The following DRC1 variants were observed in gnomAD, a reference collection of about 807,000 sequenced individuals.
DRC1 encodes dynein regulatory complex subunit 1.
In DRC1, 74 loss-of-function variants were observed where a neutral mutation model predicts 98.7. That is an observed-to-expected ratio of 0.75 (90% confidence interval 0.62 to 0.91). The LOEUF (loss-of-function observed/expected upper bound fraction) is 0.91, where lower values mean the gene tolerates loss of function less well. DRC1 is among the 40% of genes least tolerant of loss of function. DRC1 has a pLI of 0.00. For missense variants in DRC1, 875 were observed against 886.0 expected (o/e 0.99, Z 0.16); for synonymous variants, 336 against 334.1 (o/e 1.01, Z -0.06).
chr2:26,429,185 GATTATT>G (rs10555604), intron 4 of DRC1, among the ~76,000 whole-genome samples: 2,009 of 30,794 alleles, frequency 0.065, 116 homozygotes, highest in East Asian at 0.28. Context: ...TTGTACAGAT[GATTATT>G]ATTATTATTA....
intron 7 of DRC1, among the ~76,000 whole-genome samples, chr2:26,439,111 A>G (rs1663647639): frequency 6.6e-6 from 1 of 152,108 alleles, no homozygotes; most frequent in Admixed American, 6.5e-5. Flanking sequence ...ATTTCTGACC[A>G]TTCCTTTCCT....
chr2:26,437,397 T>A (rs1663600638), intron 7 of DRC1, among the ~76,000 whole-genome samples: 1 of 152,228 alleles, frequency 6.6e-6, no homozygotes, highest in African/African-American at 2.4e-5. Flanking sequence ...GTAGTTGTAG[T>A]TGAAGCTTCT....
chr2:26,410,628 G>T (rs937200215), intron 1 of DRC1, among the ~76,000 whole-genome samples: 2 of 152,070 alleles, frequency 1.3e-5, no homozygotes, highest in African/African-American at 4.8e-5. Flanking sequence ...GATCCAGAAA[G>T]AATGGAGCAG....
At chr2:26,453,834 G>C (rs1664072531) in intron 14 of DRC1, among the ~76,000 whole-genome samples, 1 of 152,246 alleles carries the variant, frequency 6.6e-6, no homozygotes, top group African/African-American at 2.4e-5. Flanking sequence ...TGTGATCAGA[G>C]TAATGGTCAA....
At chr2:26,418,039 T>A (rs1678869835) in intron 2 of DRC1, among the ~76,000 whole-genome samples, 1 of 152,020 alleles carries the variant, frequency 6.6e-6, no homozygotes, top group Non-Finnish European at 1.5e-5. Flanking sequence ...CTCCAGCTCA[T>A]TAAAAAATTG....
At position 26,456,601 on chromosome 2, in the gene DRC1, G is replaced by T; in HGVS notation, c.*84G>T. On this transcript the variant is annotated 3_prime_UTR_variant, in exon 17 of 17. Coordinates refer to ENST00000288710, the MANE Select transcript of DRC1 (RefSeq NM_145038.5). ...GCCAGCTCATATCACCCACTGGGCC[G>T]CACCTGGGCCTGCTCTCTGGATTTT... 4 of 1,530,564 alleles carry T rather than the reference G, an allele frequency of 2.6e-6. No homozygotes were observed. In the South Asian group the frequency reaches 4.5e-5, roughly 17 times the overall value. The allele number at this position is 1,530,564 out of a possible 1,614,324, so 94.8% of individuals were successfully genotyped here.
At chr2:26,449,923 G>T in intron 11 of DRC1, 73 bp from the exon 12 acceptor site, 1 of 1,362,200 alleles carries the variant, frequency 7.3e-7, no homozygotes, top group Non-Finnish European at 1.0e-6. Flanking sequence ...GTTACACAGG[G>T]GGCAGCTGCA....
chr2:26,424,749 T>G (rs1663240334), intron 4 of DRC1, among the ~76,000 whole-genome samples: 1 of 152,114 alleles, frequency 6.6e-6, no homozygotes, highest in Non-Finnish European at 1.5e-5. Context: ...GTCAGGAGTT[T>G]GAGACCAGCC....
chr2:26,452,093 CAAA>C (rs35773772), intron 13 of DRC1, among the ~76,000 whole-genome samples: 4 of 142,044 alleles, frequency 2.8e-5, no homozygotes, highest in African/African-American at 2.7e-5. Flanking sequence ...TATGTTGGCG[CAAA>C]AAAAAAAAAA....
At chr2:26,413,005 A>G (rs1478218800) in intron 1 of DRC1, among the ~76,000 whole-genome samples, 1 of 152,256 alleles carries the variant, frequency 6.6e-6, no homozygotes, top group South Asian at 2.1e-4. Context: ...GGTAGTCTCG[A>G]TCTCCTGACC....
Position 26,454,620 on chromosome 2 carries a change from G to A in DRC1, c.1920-27G>A, listed in dbSNP as rs1664091431. ...GGCCTGGGTAGTACCCAATGGACAT[G>A]ACAATCACTGTGCTCTTGGCCTTCA... On this transcript the variant is annotated intron_variant, in intron 14 of 16. Coordinates refer to ENST00000288710, the MANE Select transcript of DRC1 (RefSeq NM_145038.5). The surrounding 1 kb of genome is among the most constrained non-coding windows in gnomAD (Gnocchi z 5.2). The A allele has an allele frequency of 6.2e-7, 1 of 1,612,890 alleles. No homozygotes were observed. The highest frequency in any genetic ancestry group is 8.5e-7 in the Non-Finnish European group (1 of 1,179,352).
At chr2:26,445,069 C>A (rs1214010055) in intron 10 of DRC1, 121 bp downstream of exon 10, 4 of 1,041,810 alleles carry the variant, frequency 3.8e-6, no homozygotes, top group Non-Finnish European at 5.5e-6. Flanking sequence ...ATTGGTATCG[C>A]TTTTAAGTCT....
chr2:26,428,952 T>A (rs2147990245), intron 4 of DRC1, among the ~76,000 whole-genome samples: 1 of 152,326 alleles, frequency 6.6e-6, no homozygotes, highest in South Asian at 2.1e-4. Context: ...TGCAACTTAG[T>A]CTGCAGTAGA....
At chr2:26,424,173 T>G in intron 3 of DRC1, 98 bp from the exon 4 acceptor site, 2 of 1,444,190 alleles carry the variant, frequency 1.4e-6, no homozygotes, top group South Asian at 2.6e-5. Flanking sequence ...GCCTAGTACC[T>G]GGGTCTTATA....
At chr2:26,408,585 C>G (rs1163451163) in intron 1 of DRC1, among the ~76,000 whole-genome samples, 7 of 152,090 alleles carry the variant, frequency 4.6e-5, no homozygotes, top group African/African-American at 1.7e-4. Context: ...CCAGCCTGGC[C>G]AACATGGTAA....
At position 26,424,281 on chromosome 2, in the gene DRC1, C is replaced by T. The variant is rs1378377620; in HGVS notation, c.367C>T (p.Leu123=). Residue 123 remains leucine, a synonymous_variant, in exon 4 of 17, where the codon CTG becomes TTG. Transcript: ENST00000288710. ...EEIKRQRIEK[L]ENEVKTSQDK... Reference sequence around the variant, plus strand: ...TGTATGTATTTGCAGGATTGAGAAGCTGGAGAATGAAGTTAAGACCAGCCA... The same window carrying T: ...TGTATGTATTTGCAGGATTGAGAAGTTGGAGAATGAAGTTAAGACCAGCCA... The T allele has an allele frequency of 1.2e-6, 2 of 1,613,882 alleles. No homozygotes were observed. The highest frequency in any genetic ancestry group is 8.5e-7 in the Non-Finnish European group (1 of 1,179,972).
chr2:26,402,992 C>A (rs940527810), intron 1 of DRC1, among the ~76,000 whole-genome samples: 18 of 152,168 alleles, frequency 1.2e-4, no homozygotes, highest in African/African-American at 4.1e-4. Context: ...GCAAAAGCAG[C>A]CACAGGCAAG....
At chr2:26,427,565 G>A (rs578158699) in intron 4 of DRC1, among the ~76,000 whole-genome samples, 2 of 152,046 alleles carry the variant, frequency 1.3e-5, no homozygotes, top group African/African-American at 4.8e-5. Context: ...TCATTTCTTT[G>A]TGTTGCAAAC....
chr2:26,416,111 A>G (rs1466568668), intron 2 of DRC1, among the ~76,000 whole-genome samples: 1 of 152,174 alleles, frequency 6.6e-6, no homozygotes, highest in Admixed American at 6.5e-5. Flanking sequence ...CCTTTCACTT[A>G]GGAATTAAGT....
Sources: gnomAD v4.1 joint callset for allele counts (sites outside exome capture counted in the v4.1 genomes callset) on GRCh38, gnomAD v4.1.1 for gene constraint, Gnocchi (gnomAD v3.1) non-coding constraint, MANE v1.5 for transcripts, NCBI Gene and HGNC (gene_info 2026-07-23, HGNC 2026-07-21) for gene names.